EPB41L4A: variants seen among roughly 807,000 people sequenced by gnomAD.
EPB41L4A encodes the protein erythrocyte membrane protein band 4.1 like 4A, also known as band 4.1-like protein 4A.
A neutral mutation model predicts 108.6 loss-of-function variants in EPB41L4A; 100 were observed. That is an observed-to-expected ratio of 0.92 (90% CI 0.78 to 1.09). EPB41L4A has a LOEUF of 1.09. Among genes scored for constraint, EPB41L4A ranks in the 50% least tolerant of loss-of-function variants. The pLI is 0.00. For synonymous variants in EPB41L4A, 319 were observed against 289.0 expected (o/e 1.10, Z -1.05); for missense variants, 1,030 against 842.7 (o/e 1.22, Z -2.75).
chr5:112,205,176 A>T (rs554764653), intron 14 of EPB41L4A, among the ~76,000 whole-genome samples: 1 of 152,224 alleles, frequency 6.6e-6, no homozygotes. Flanking sequence ...AGGCAATTTC[A>T]TAATATTTCC....
chr5:112,228,040 G>T (rs763262896), intron 12 of EPB41L4A, among the ~76,000 whole-genome samples: 3 of 152,164 alleles, frequency 2.0e-5, no homozygotes, highest in Non-Finnish European at 4.4e-5. Flanking sequence ...AGTCGTGATT[G>T]CTGAGGATGC....
At chr5:112,326,548 T>C (rs1182625660) in intron 1 of EPB41L4A, among the ~76,000 whole-genome samples, 1 of 152,242 alleles carries the variant, frequency 6.6e-6, no homozygotes, top group African/African-American at 2.4e-5. Context: ...GTTCTACCAA[T>C]GGGCTTTTGT....
At chr5:112,318,709 TAC>T (rs1755579525) in intron 1 of EPB41L4A, among the ~76,000 whole-genome samples, 1 of 152,142 alleles carries the variant, frequency 6.6e-6, no homozygotes, top group Admixed American at 6.5e-5. Context: ...GGTAGTTTGT[TAC>T]AGAGCTACAC....
intron 1 of EPB41L4A, among the ~76,000 whole-genome samples, chr5:112,362,945 A>C (rs990304724): frequency 1.3e-5 from 2 of 152,044 alleles, no homozygotes; most frequent in East Asian, 1.9e-4. Flanking sequence ...GATTTCAGAA[A>C]CCTTTATTTT....
intron 9 of EPB41L4A, among the ~76,000 whole-genome samples, chr5:112,245,242 A>G (rs184857072): frequency 2.0e-5 from 3 of 152,354 alleles, no homozygotes; most frequent in South Asian, 2.1e-4. Context: ...GTGAAGTTAT[A>G]TACTTGCTAA....
At chr5:112,237,336 G>C (rs181323903) in intron 11 of EPB41L4A, among the ~76,000 whole-genome samples, 1 of 152,022 alleles carries the variant, frequency 6.6e-6, no homozygotes, top group Non-Finnish European at 1.5e-5. Context: ...AAAAAAGTCC[G>C]ATTTTTCCCT....
intron 15 of EPB41L4A, 139 bp from the exon 16 acceptor site, chr5:112,195,847 A>G (rs1321596785): frequency 1.1e-5 from 8 of 715,706 alleles, no homozygotes; most frequent in Admixed American, 5.1e-5. Flanking sequence ...CGTCATATGT[A>G]TATGCCTAAC....
intron 22 of EPB41L4A, among the ~76,000 whole-genome samples, chr5:112,167,644 T>G (rs938309718): frequency 6.6e-6 from 1 of 152,176 alleles, no homozygotes; most frequent in African/African-American, 2.4e-5. Context: ...TAGAATGAAT[T>G]TGAAGAGCCA....
intron 2 of EPB41L4A, among the ~76,000 whole-genome samples, chr5:112,284,845 C>G (rs561797242): frequency 6.6e-6 from 1 of 152,296 alleles, no homozygotes; most frequent in South Asian, 2.1e-4. Context: ...ACCCTTCTTA[C>G]TCTCTGACAG....
intron 9 of EPB41L4A, chr5:112,257,021 C>T (rs778446974): frequency 3.9e-5 from 6 of 152,180 alleles, no homozygotes; most frequent in Non-Finnish European, 7.3e-5. Flanking sequence ...CTAAGTCTTT[C>T]TGACCAGACC....
At chr5:112,195,746 A>G (rs1396540327) in intron 15 of EPB41L4A, 38 bp from the exon 16 acceptor site, 1 of 1,580,000 alleles carries the variant, frequency 6.3e-7, no homozygotes, top group South Asian at 1.1e-5. Context: ...AAAACAGGAG[A>G]TTATCAATTG....
intron 12 of EPB41L4A, among the ~76,000 whole-genome samples, chr5:112,223,532 C>G (rs1454180459): frequency 6.6e-6 from 1 of 152,090 alleles, no homozygotes; most frequent in Non-Finnish European, 1.5e-5. Context: ...AATCCCAAAC[C>G]GCTGACAGAC....
intron 1 of EPB41L4A, among the ~76,000 whole-genome samples, chr5:112,360,111 T>A (rs982350449): frequency 6.6e-6 from 1 of 152,078 alleles, no homozygotes; most frequent in African/African-American, 2.4e-5. Flanking sequence ...ACAGATTCAA[T>A]AGGAATCCAA....
chr5:112,313,925 G>A (rs1755228607), intron 1 of EPB41L4A, among the ~76,000 whole-genome samples: 1 of 142,026 alleles, frequency 7.0e-6, no homozygotes, highest in Non-Finnish European at 1.5e-5. Flanking sequence ...GTGCAGTGGC[G>A]CAATCTCCGC....
At chr5:112,218,387 G>T (rs1006813907) in intron 12 of EPB41L4A, among the ~76,000 whole-genome samples, 1 of 152,198 alleles carries the variant, frequency 6.6e-6, no homozygotes, top group Non-Finnish European at 1.5e-5. Context: ...TTCTTCCTGT[G>T]ATACGAGTTT....
chr5:112,210,589 C>CT lies in EPB41L4A; in HGVS notation c.1088-608dup, dbSNP rs1199945690. ...GTTATTCCATAGATTTGCATACACGCTAGAGGAACCAGCAGAGGGAGCCCA... is the reference window on the plus strand; with the variant it reads ...GTTATTCCATAGATTTGCATACACGCTTAGAGGAACCAGCAGAGGGAGCCCA... On this transcript the variant is annotated intron_variant, in intron 12 of 22. Transcript: ENST00000261486. Among the ~76,000 whole-genome samples the CT allele has an allele frequency of 2.0e-5, 3 of 152,128 alleles. No homozygotes were observed. In the East Asian group the frequency reaches 5.8e-4, roughly 29 times the overall value.
chr5:112,415,643 C>T (rs1334636228), intron 1 of EPB41L4A, among the ~76,000 whole-genome samples: 1 of 152,158 alleles, frequency 6.6e-6, no homozygotes, highest in African/African-American at 2.4e-5. Flanking sequence ...CTACCTCCCT[C>T]AGCACAGAGA....
intron 4 of EPB41L4A, among the ~76,000 whole-genome samples, chr5:112,269,870 C>T (rs1752138419): frequency 6.6e-6 from 1 of 152,168 alleles, no homozygotes; most frequent in Non-Finnish European, 1.5e-5. Context: ...GATGTATATG[C>T]ACTGCCCCTG....
At chr5:112,393,456 T>C (rs143220929) in intron 1 of EPB41L4A, among the ~76,000 whole-genome samples, 327 of 152,224 alleles carry the variant, frequency 2.1e-3, no homozygotes, top group African/African-American at 7.6e-3. Context: ...AAGAATACTA[T>C]AGACACCTCT....
Sources: allele counts gnomAD v4.1 joint callset (sites outside exome capture counted in the v4.1 genomes callset), GRCh38; gene constraint gnomAD v4.1.1; transcripts MANE v1.5; gene names NCBI Gene and HGNC (gene_info 2026-07-23, HGNC 2026-07-21).